Variants in CANX observed in about 807,000 individuals in gnomAD.
CANX encodes epididymis secretory sperm binding protein.
In CANX, 14 loss-of-function variants were observed where a neutral mutation model predicts 75.7. The observed-to-expected ratio is 0.19, with a 90% CI of 0.12 to 0.29. The LOEUF is 0.29. Ranked by LOEUF, CANX falls within the 10% of genes least tolerant of loss-of-function variation. CANX has a pLI of 1.00. For synonymous variants in CANX, 227 were observed against 236.9 expected, an observed-to-expected ratio of 0.96 and a Z score of 0.38; for missense variants, 567 against 713.2, an observed-to-expected ratio of 0.79 and a Z score of 2.34.
intron 10 of CANX, among the ~76,000 whole-genome samples, chr5:179,721,765 A>C (rs1778325155): frequency 6.6e-6 from 1 of 152,162 alleles, no homozygotes; most frequent in Admixed American, 6.5e-5. Flanking sequence ...AAAGAGTGGC[A>C]ATTAAAATTA....
intron 1 of CANX, among the ~76,000 whole-genome samples, chr5:179,690,143 A>C (rs1029579475): frequency 6.6e-6 from 1 of 152,224 alleles, no homozygotes; most frequent in African/African-American, 2.4e-5. Flanking sequence ...TCTGGCAACC[A>C]AGAGGAATAT....
In CANX at chr5:179,728,482, T is replaced by A. The variant is rs1778804787; in HGVS notation, c.1726-109T>A. The A allele has an allele frequency of 4.5e-6, 3 of 668,780 alleles. No homozygotes were observed. The East Asian group carries it at 8.4e-5, about 19-fold the overall frequency. 41.4% of individuals were successfully genotyped at this position (668,780 alleles called of 1,614,324 possible). ...CATTTTCTTCTCATCATTTTCCTCATTTTTTTCCTCAAATAAGTTACCCTC... is the reference window on the plus strand; with the variant it reads ...CATTTTCTTCTCATCATTTTCCTCAATTTTTTCCTCAAATAAGTTACCCTC... On this transcript the variant is annotated intron_variant, in intron 14 of 14. Coordinates refer to ENST00000247461, the MANE Select transcript of CANX (RefSeq NM_001746.4).
At chr5:179,698,563 C>G, upstream of CANX, 3 of 1,289,436 alleles carry the variant, frequency 2.3e-6, no homozygotes, top group Non-Finnish European at 3.0e-6. Flanking sequence ...CAGCGAAGGG[C>G]GCGCGATGCG....
intron 7 of CANX, 25 bp downstream of exon 7, chr5:179,710,090 GC>G (rs753836320): frequency 1.5e-6 from 2 of 1,365,096 alleles, no homozygotes; most frequent in Non-Finnish European, 2.1e-6. Context: ...TAGTTTGGGG[GC>G]TTATGGTATT....
intron 1 of CANX, among the ~76,000 whole-genome samples, chr5:179,704,601 T>A (rs980720086): frequency 6.6e-6 from 1 of 151,134 alleles, no homozygotes; most frequent in Non-Finnish European, 1.5e-5. Context: ...TTTGGGAGGC[T>A]GAGGCAGGTG....
At chr5:179,700,983 C>T (rs929377561) in intron 1 of CANX, 8 of 152,158 alleles carry the variant, frequency 5.3e-5, no homozygotes, top group African/African-American at 1.7e-4. Context: ...CTGCCTCAGC[C>T]TCCCTTGTAG....
At chr5:179,715,158 C>T (rs1450180683) in intron 7 of CANX, among the ~76,000 whole-genome samples, 1 of 152,190 alleles carries the variant, frequency 6.6e-6, no homozygotes, top group Non-Finnish European at 1.5e-5. Context: ...TTTGGATGTG[C>T]TGTAACTCAG....
chr5:179,696,953 AAT>A (rs5873662), upstream of CANX, among the ~76,000 whole-genome samples: 107,995 of 152,044 alleles, frequency 0.71, 40,895 homozygotes, highest in Non-Finnish European at 0.84. Flanking sequence ...GAATTCGTAT[AAT>A]ATGTTTTCAT....
intron 2 of CANX, among the ~76,000 whole-genome samples, 155 bp downstream of exon 2, chr5:179,706,007 A>G (rs1276221454): frequency 6.6e-6 from 1 of 152,198 alleles, no homozygotes; most frequent in Non-Finnish European, 1.5e-5. Flanking sequence ...ATCATCTCTA[A>G]TAAAATATAA....
intron 1 of CANX, among the ~76,000 whole-genome samples, chr5:179,689,589 C>T (rs1428142445): frequency 2.0e-5 from 3 of 151,958 alleles, no homozygotes; most frequent in Admixed American, 6.6e-5. Context: ...AGGGTTTCAC[C>T]GTGTTGGCCA....
rs1158715934 is a variant in CANX, at chr5:179,728,793, A to T, written c.*149A>T. 7.0e-6 allele frequency: 5 copies of T among 710,280 alleles called. No individual in the cohort carries two copies. Among genetic ancestry groups the T allele is most frequent in the Non-Finnish European group, 5.3e-6 (2 of 380,546 alleles). The allele number at this position is 710,280 out of a possible 1,614,324, so 44.0% of individuals were successfully genotyped here. A position where few individuals can be genotyped will look rare whatever the true frequency, so the allele number is the denominator to read the frequency against. On this transcript the variant is annotated 3_prime_UTR_variant, in exon 15 of 15. Transcript: ENST00000247461. ...GCTCCAGTTGAACACTAGTCTGTGTAACTTTAAACATCTAGCAGTAAATAC... is the reference window on the plus strand; with the variant it reads ...GCTCCAGTTGAACACTAGTCTGTGTTACTTTAAACATCTAGCAGTAAATAC...
At chr5:179,694,704 G>T, upstream of CANX, 1 of 699,988 alleles carries the variant, frequency 1.4e-6, no homozygotes, top group South Asian at 1.5e-5. Flanking sequence ...TCCTGCTAAA[G>T]TTGCCTGGAA....
rs550960671 is a variant in CANX at position 179,711,924 on chromosome 5, G to A, written c.721+1859G>A. Among the ~76,000 whole-genome samples the A allele has an allele frequency of 4.6e-5, 7 of 150,980 alleles. No homozygotes were observed. In the East Asian group the frequency reaches 9.8e-4, roughly 21 times the overall value. The stretch of plus-strand genomic sequence containing the variant: ...ACCAGCCTGGCCAACATGGTGAAAC[G>A]TCATCTCTACTGAAAATACAAAAAT... On this transcript the variant is annotated intron_variant, in intron 7 of 14. Coordinates refer to ENST00000247461, the MANE Select transcript of CANX (RefSeq NM_001746.4).
chr5:179,694,756 G>A (rs779737745), upstream of CANX: 9 of 625,530 alleles, frequency 1.4e-5, no homozygotes, highest in Non-Finnish European at 2.0e-5. Flanking sequence ...GAGATGAGGA[G>A]GAGGATGAAT....
chr5:179,718,755 C>T lies in CANX; in HGVS notation c.912-913C>T, dbSNP rs148462175. ...GTTGGTCAGGCTGGTCTCAAACTCCCGACCTCAGGTGATCTGCCCACCTTG... is the reference window on the plus strand; with the variant it reads ...GTTGGTCAGGCTGGTCTCAAACTCCTGACCTCAGGTGATCTGCCCACCTTG... On this transcript the variant is annotated intron_variant, in intron 8 of 14. Coordinates refer to ENST00000247461, the MANE Select transcript of CANX (RefSeq NM_001746.4). Among the ~76,000 whole-genome samples the T allele has an allele frequency of 4.6e-3, 702 of 151,244 alleles. 9 individuals are homozygous for T. The highest frequency in any genetic ancestry group is 0.016 in the African/African-American group (669 of 41,180).
At chr5:179,698,413 GA>G (rs548744468), upstream of CANX, 885 of 1,265,148 alleles carry the variant, frequency 7.0e-4, 4 homozygotes, top group African/African-American at 0.013. Context: ...ACACAGCGCG[GA>G]GCAGTGCACG....
intron 7 of CANX, among the ~76,000 whole-genome samples, chr5:179,710,659 G>GATCGCT (rs1777484301): frequency 8.1e-6 from 1 of 123,562 alleles, no homozygotes; most frequent in South Asian, 2.9e-4. Flanking sequence ...AGTGAGCCGA[G>GATCGCT]ATCGCGCCAC....
chr5:179,723,435 T>G, intron 11 of CANX: 1 of 483,476 alleles, frequency 2.1e-6, no homozygotes, highest in Non-Finnish European at 3.6e-6. Flanking sequence ...TTGCAGGTGA[T>G]GTAGAAGCCA....
At chr5:179,726,530 C>T (rs1437314600) in intron 13 of CANX, 150 bp from the exon 14 acceptor site, 17 of 522,994 alleles carry the variant, frequency 3.3e-5, no homozygotes, top group East Asian at 1.9e-4. Flanking sequence ...GAGCCGAGAT[C>T]GCGCCACTGC....
Sources: allele counts gnomAD v4.1 joint callset (sites outside exome capture counted in the v4.1 genomes callset), GRCh38; gene constraint gnomAD v4.1.1; transcripts MANE v1.5; gene names NCBI Gene and HGNC (gene_info 2026-07-23, HGNC 2026-07-21).